GRIP1: variants seen among roughly 807,000 people sequenced by gnomAD.
GRIP1 encodes glutamate receptor-interacting protein 1.
A neutral mutation model predicts 129.9 loss-of-function variants in GRIP1; 45 were observed. The ratio of observed to expected loss-of-function variants is 0.35; its 90% CI spans 0.27 to 0.44. GRIP1 has a LOEUF of 0.44. GRIP1 is among the 20% of genes least tolerant of loss of function. GRIP1 has a pLI of 1.00. For synonymous variants in GRIP1, 530 were observed against 520.8 expected (o/e 1.02, Z -0.24); for missense variants, 1,196 against 1,396.8 (o/e 0.86, Z 2.29).
intron 1 of GRIP1, among the ~76,000 whole-genome samples, chr12:66,694,900 G>A (rs914839679): frequency 2.6e-5 from 4 of 152,204 alleles, no homozygotes; most frequent in Non-Finnish European, 1.5e-5. Flanking sequence ...CTAGTTGCAG[G>A]CTGAGGGTAT....
chr12:66,861,400 A>G (rs1749958769), intron 1 of GRIP1, among the ~76,000 whole-genome samples: 1 of 152,156 alleles, frequency 6.6e-6, no homozygotes, highest in Admixed American at 6.6e-5. Context: ...TCCAGGAATA[A>G]TAAAACATTT....
At chr12:66,893,962 T>C (rs2137242059) in intron 1 of GRIP1, among the ~76,000 whole-genome samples, 1 of 152,170 alleles carries the variant, frequency 6.6e-6, no homozygotes, top group South Asian at 2.1e-4. Flanking sequence ...ATTCCTCTTC[T>C]CCCTGATCAT....
At chr12:66,997,888 A>T (rs1712218101) in intron 1 of GRIP1, among the ~76,000 whole-genome samples, 1 of 152,190 alleles carries the variant, frequency 6.6e-6, no homozygotes, top group Non-Finnish European at 1.5e-5. Flanking sequence ...CTTTCAAAAG[A>T]TATACTAAAA....
intron 1 of GRIP1, among the ~76,000 whole-genome samples, chr12:67,017,802 C>T (rs1338904634): frequency 6.6e-6 from 1 of 152,180 alleles, no homozygotes; most frequent in South Asian, 2.1e-4. Flanking sequence ...TTCCAGCCAG[C>T]CCCACTGGGG....
intron 1 of GRIP1, among the ~76,000 whole-genome samples, chr12:66,613,040 C>T (rs2064877051): frequency 6.6e-6 from 1 of 152,058 alleles, no homozygotes; most frequent in Admixed American, 6.6e-5. Flanking sequence ...AAAAATGGCT[C>T]CTTAAAAGCA....
chr12:66,828,123 T>C (rs940617974), intron 1 of GRIP1, among the ~76,000 whole-genome samples: 3 of 152,196 alleles, frequency 2.0e-5, no homozygotes, highest in Admixed American at 6.5e-5. Flanking sequence ...ACCAGCTTTG[T>C]GGTGAGGCAA....
intron 7 of GRIP1, among the ~76,000 whole-genome samples, chr12:66,481,164 T>C (rs2059792274): frequency 1.4e-5 from 2 of 145,366 alleles, no homozygotes; most frequent in South Asian, 2.2e-4. Flanking sequence ...AGAGGCAACC[T>C]ACAGAATGGG....
chr12:66,900,723 C>G (rs1165180547), intron 1 of GRIP1, among the ~76,000 whole-genome samples: 1 of 152,172 alleles, frequency 6.6e-6, no homozygotes. Context: ...AGTCAGCCTG[C>G]TTCACATAGC....
At chr12:66,560,646 C>A (rs959426225) in intron 2 of GRIP1, among the ~76,000 whole-genome samples, 1 of 151,956 alleles carries the variant, frequency 6.6e-6, no homozygotes, top group African/African-American at 2.4e-5. Flanking sequence ...CATCTCACCC[C>A]AGTTAAAAGA....
intron 1 of GRIP1, among the ~76,000 whole-genome samples, chr12:66,744,465 T>C (rs965875094): frequency 6.6e-6 from 1 of 152,170 alleles, no homozygotes; most frequent in Admixed American, 6.5e-5. Context: ...TCTCCATGAA[T>C]CCTCAGCTAG....
chr12:66,704,710 C>A (rs555619795), intron 1 of GRIP1, among the ~76,000 whole-genome samples: 44 of 152,150 alleles, frequency 2.9e-4, no homozygotes, highest in South Asian at 8.3e-4. Flanking sequence ...TTTCTCTCAC[C>A]CATTAATTAC....
intron 1 of GRIP1, among the ~76,000 whole-genome samples, chr12:66,951,569 C>CA: frequency 6.6e-6 from 1 of 152,276 alleles, no homozygotes; most frequent in East Asian, 1.9e-4. Flanking sequence ...GGGAACAATA[C>CA]ACAATCAAAT....
At chr12:66,553,348 C>T (rs971390860) in intron 2 of GRIP1, among the ~76,000 whole-genome samples, 12 of 152,232 alleles carry the variant, frequency 7.9e-5, no homozygotes, top group African/African-American at 2.6e-4. Context: ...TTCCCTCTCC[C>T]TCCCTTGTTT....
chr12:66,695,099 G>C (rs2035109494), intron 1 of GRIP1, among the ~76,000 whole-genome samples: 2 of 152,144 alleles, frequency 1.3e-5, no homozygotes, highest in African/African-American at 4.8e-5. Flanking sequence ...AGACCATCAG[G>C]CTGCCAGTGC....
At position 66,960,054 on chromosome 12, in the gene GRIP1, T is replaced by C. The variant is rs2041901304; in HGVS notation, c.58+108996A>G. Among the ~76,000 whole-genome samples the C allele has an allele frequency of 2.0e-5, 3 of 152,218 alleles. No individual in the cohort carries two copies. The South Asian group carries it at 6.2e-4, about 32-fold the overall frequency. On this transcript the variant is annotated intron_variant, in intron 1 of 1. Transcript: ENST00000643019. ...GATGTAGGAAGAAATATATGGTATG[T>C]TTAGGAAACAGAAGGAAGGTAAGTA...
At chr12:66,850,185 A>G (rs1400968232) in intron 1 of GRIP1, among the ~76,000 whole-genome samples, 3 of 152,174 alleles carry the variant, frequency 2.0e-5, no homozygotes, top group Non-Finnish European at 4.4e-5. Flanking sequence ...AAGAATTTAG[A>G]AAACGATTTT....
chr12:67,055,813 CCA>C (rs1249466948), intron 1 of GRIP1, among the ~76,000 whole-genome samples: 1 of 152,148 alleles, frequency 6.6e-6, no homozygotes, highest in Non-Finnish European at 1.5e-5. Flanking sequence ...AGCCACTGGG[CCA>C]CACTTTGAGG....
chr12:66,460,761 C>T (rs754606135), intron 9 of GRIP1, among the ~76,000 whole-genome samples: 1 of 152,152 alleles, frequency 6.6e-6, no homozygotes, highest in Non-Finnish European at 1.5e-5. Context: ...CTTGAAAAAA[C>T]AATCAGAACT....
At chr12:66,494,808 G>C (rs1001034998) in intron 7 of GRIP1, among the ~76,000 whole-genome samples, 2 of 152,134 alleles carry the variant, frequency 1.3e-5, no homozygotes, top group Non-Finnish European at 2.9e-5. Flanking sequence ...TTGAGCCCAA[G>C]AGTTTGAGGC....
Sources: gnomAD v4.1 joint callset for allele counts (sites outside exome capture counted in the v4.1 genomes callset) on GRCh38, gnomAD v4.1.1 for gene constraint, MANE v1.5 for transcripts, NCBI Gene and HGNC (gene_info 2026-07-23, HGNC 2026-07-21) for gene names.